The following METTL25 variants were observed in gnomAD, a reference collection of about 807,000 sequenced individuals.
METTL25 encodes the protein methyltransferase like 25, also known as probable methyltransferase-like protein 25.
In METTL25, 64 loss-of-function variants were observed where a neutral mutation model predicts 71.6. That is an observed-to-expected ratio of 0.89 (90% CI 0.73 to 1.10). The LOEUF (loss-of-function observed/expected upper bound fraction) is 1.10. Among genes scored for constraint, METTL25 ranks in the 50% least tolerant of loss-of-function variants. The probability of loss-of-function intolerance (pLI) is 0.00; values close to 1 mark genes in which losing one functional copy is unlikely to be tolerated. For missense variants in METTL25, 807 were observed against 707.0 expected (o/e 1.14, Z -1.60); for synonymous variants, 287 against 250.3 (o/e 1.15, Z -1.38).
At chr12:82,404,634 T>C (rs193122801) in intron 5 of METTL25, among the ~76,000 whole-genome samples, 1 of 152,260 alleles carries the variant, frequency 6.6e-6, no homozygotes, top group Non-Finnish European at 1.5e-5. Flanking sequence ...AATAAATGGC[T>C]CAATTTGGGG....
Position 82,391,601 on chromosome 12 carries a change from A to G in METTL25, c.531+1679A>G, listed in dbSNP as rs533162276. Among the ~76,000 whole-genome samples, 3 of 151,948 alleles carry G rather than the reference A, an allele frequency of 2.0e-5. No homozygotes were observed. The East Asian group carries it at 5.8e-4, about 29-fold the overall frequency. ...ATATATAACTTTTCATTGTGCATAT[A>G]TACCACATTTCTTTATCCATAAATT... On this transcript the variant is annotated intron_variant, in intron 3 of 11. Transcript: ENST00000248306.
chr12:82,358,953 A>C (rs1592561004), intron 1 of METTL25, 129 bp downstream of exon 1: 1 of 1,060,874 alleles, frequency 9.4e-7, no homozygotes, highest in Non-Finnish European at 1.4e-6. Context: ...CCGCTGGGAA[A>C]CCGAGGAGGG....
chr12:82,434,694 G>A lies in METTL25; in HGVS notation c.1375-1G>A. 1 of 1,608,892 alleles carries A rather than the reference G, an allele frequency of 6.2e-7. No homozygotes were observed. Among genetic ancestry groups the A allele is most frequent in the Non-Finnish European group, 8.5e-7 (1 of 1,176,574 alleles). ...ATCTGTCTTGTTTTTTTCCCTTTAA[G>A]GCATTGGAGCGGGTTGCAGCTGGCC... On this transcript the variant is annotated splice_acceptor_variant, in intron 6 of 11. Coordinates refer to ENST00000248306, the MANE Select transcript of METTL25 (RefSeq NM_032230.3). LOFTEE classifies it high-confidence loss of function.
chr12:82,425,070 A>G (rs1482033911), intron 5 of METTL25, among the ~76,000 whole-genome samples: 1 of 152,088 alleles, frequency 6.6e-6, no homozygotes, highest in Non-Finnish European at 1.5e-5. Flanking sequence ...ATTGTGTATT[A>G]CGGTATAGAT....
Position 82,400,589 on chromosome 12 carries a change from T to TA in METTL25, c.1131+1198dup, listed in dbSNP as rs5799584. On this transcript the variant is annotated intron_variant, in intron 4 of 11. Transcript: ENST00000248306. ...CAATCTCAATGACTTTAGTTTAACTTAAATGTAAATTTCTAGTACATTTTG... is the reference window on the plus strand; with the variant it reads ...CAATCTCAATGACTTTAGTTTAACTTAAAATGTAAATTTCTAGTACATTTTG... 2.0e-3 allele frequency among the ~76,000 whole-genome samples: 304 copies of TA among 152,002 alleles called. 1 individual carries two copies. Among genetic ancestry groups the TA allele is most frequent in the Non-Finnish European group, 3.4e-3 (232 of 67,948 alleles).
chr12:82,396,295 T>G (rs772793093), intron 3 of METTL25, among the ~76,000 whole-genome samples: 1 of 152,200 alleles, frequency 6.6e-6, no homozygotes, highest in East Asian at 1.9e-4. Flanking sequence ...TATCCTAGAA[T>G]AATAACATAA....
chr12:82,360,347 A>T (rs150554726), intron 1 of METTL25, among the ~76,000 whole-genome samples: 21 of 152,162 alleles, frequency 1.4e-4, no homozygotes, highest in African/African-American at 4.3e-4. Flanking sequence ...GCCTTGCAAG[A>T]TAGGTTCTGT....
At position 82,478,599 on chromosome 12, in the gene METTL25, C is replaced by T. The variant is rs1395651615; in HGVS notation, c.1720-333C>T. On this transcript the variant is annotated intron_variant, in intron 11 of 11. Transcript: ENST00000248306. ...TTTGTTTTATTTTATTCAGAATTTC[C>T]CACCATATTAAATGTACTATAGAAA... Among the ~76,000 whole-genome samples the T allele has an allele frequency of 3.3e-5, 5 of 151,046 alleles. No homozygotes were observed. In the South Asian group the frequency reaches 6.2e-4, roughly 19 times the overall value.
intron 3 of METTL25, among the ~76,000 whole-genome samples, chr12:82,391,077 G>C (rs544351360): frequency 6.6e-6 from 1 of 152,174 alleles, no homozygotes; most frequent in South Asian, 2.1e-4. Flanking sequence ...AGAAAATTCA[G>C]ATAACTGGTA....
chr12:82,469,490 C>G (rs1473560422), intron 9 of METTL25, among the ~76,000 whole-genome samples: 1 of 151,952 alleles, frequency 6.6e-6, no homozygotes, highest in East Asian at 2.0e-4. Context: ...ATAAAACCAT[C>G]AGATCTCATG....
At chr12:82,422,303 A>T (rs1888590475) in intron 5 of METTL25, among the ~76,000 whole-genome samples, 2 of 152,196 alleles carry the variant, frequency 1.3e-5, no homozygotes, top group Non-Finnish European at 1.5e-5. Flanking sequence ...AAACCACATG[A>T]TTATCTCAAT....
At chr12:82,410,588 A>G (rs1030231573) in intron 5 of METTL25, among the ~76,000 whole-genome samples, 2 of 152,098 alleles carry the variant, frequency 1.3e-5, no homozygotes, top group Admixed American at 1.3e-4. Flanking sequence ...CTAAATTAGA[A>G]CACGTATTTT....
At chr12:82,467,480 T>G (rs889338138) in intron 9 of METTL25, among the ~76,000 whole-genome samples, 5 of 152,148 alleles carry the variant, frequency 3.3e-5, no homozygotes, top group African/African-American at 1.2e-4. Context: ...ATTCTCTTAG[T>G]TTTTACTTAT....
chr12:82,415,201 T>C (rs1026936588), intron 5 of METTL25, among the ~76,000 whole-genome samples: 1 of 152,142 alleles, frequency 6.6e-6, no homozygotes, highest in Admixed American at 6.6e-5. Context: ...AAAAATGTTT[T>C]AATGTAGATA....
chr12:82,434,609 C>G, intron 6 of METTL25, 86 bp from the exon 7 acceptor site: 2 of 1,059,636 alleles, frequency 1.9e-6, no homozygotes, highest in South Asian at 2.6e-5. Context: ...TTCTAAATGT[C>G]AGTTTTACAA....
intron 1 of METTL25, among the ~76,000 whole-genome samples, chr12:82,380,478 T>C (rs1394167829): frequency 6.6e-6 from 1 of 152,190 alleles, no homozygotes; most frequent in Non-Finnish European, 1.5e-5. Flanking sequence ...TATGTGTGTA[T>C]ATGAATGTAC....
chr12:82,429,774 A>G (rs1889339881), intron 5 of METTL25, among the ~76,000 whole-genome samples: 1 of 151,396 alleles, frequency 6.6e-6, no homozygotes. Flanking sequence ...ATTTTAATTG[A>G]ATTAGTTGTT....
At chr12:82,402,699 T>A (rs968685900) in intron 4 of METTL25, among the ~76,000 whole-genome samples, 2 of 152,182 alleles carry the variant, frequency 1.3e-5, no homozygotes, top group African/African-American at 4.8e-5. Context: ...AATCATTAAA[T>A]CATTAAAGAT....
chr12:82,408,154 G>T (rs1887248082), intron 5 of METTL25, among the ~76,000 whole-genome samples: 1 of 152,104 alleles, frequency 6.6e-6, no homozygotes, highest in East Asian at 1.9e-4. Flanking sequence ...TGAAAACAAG[G>T]TATGTATTAT....
Sources: gnomAD v4.1 joint callset for allele counts (sites outside exome capture counted in the v4.1 genomes callset) on GRCh38, gnomAD v4.1.1 for gene constraint, MANE v1.5 for transcripts, NCBI Gene and HGNC (gene_info 2026-07-23, HGNC 2026-07-21) for gene names.